PKHD1: variants seen among roughly 807,000 people sequenced by gnomAD.
PKHD1 encodes fibrocystin.
A neutral mutation model predicts 412.0 loss-of-function variants in PKHD1; 291 were observed. The ratio of observed to expected loss-of-function variants is 0.71; its 90% CI spans 0.64 to 0.78. PKHD1 has a LOEUF of 0.78. Ranked by LOEUF, PKHD1 falls within the 30% of genes least tolerant of loss-of-function variation. PKHD1 has a pLI of 0.00. For synonymous variants in PKHD1, 1,777 were observed against 1,821.5 expected, an observed-to-expected ratio of 0.98 and a Z score of 0.62; for missense variants, 4,825 against 4,950.7, an observed-to-expected ratio of 0.97 and a Z score of 0.76.
At chr6:51,844,762 C>T (rs2151607117) in intron 50 of PKHD1, among the ~76,000 whole-genome samples, 1 of 152,266 alleles carries the variant, frequency 6.6e-6, no homozygotes, top group East Asian at 1.9e-4. Flanking sequence ...AATGAAAATT[C>T]AGCCAGTTGT....
At chr6:51,859,147 G>A (rs1398579255) in intron 48 of PKHD1, among the ~76,000 whole-genome samples, 1 of 152,096 alleles carries the variant, frequency 6.6e-6, no homozygotes, top group Non-Finnish European at 1.5e-5. Flanking sequence ...ACCAAAAGAA[G>A]ATCTCTGTTC....
intron 43 of PKHD1, among the ~76,000 whole-genome samples, chr6:51,895,592 A>G (rs1688008198): frequency 6.6e-6 from 1 of 152,002 alleles, no homozygotes; most frequent in South Asian, 2.1e-4. Context: ...AGCAACTACC[A>G]TGTTTTAGAA....
Position 52,054,268 on chromosome 6 carries a change from C to T in PKHD1, c.1837-103G>A, listed in dbSNP as rs1807354199. 14 of 1,092,546 alleles carry T rather than the reference C, an allele frequency of 1.3e-5. No homozygotes were observed. In the Admixed American group the frequency reaches 2.2e-4, roughly 18 times the overall value. 67.7% of individuals were successfully genotyped at this position (1,092,546 alleles called of 1,614,324 possible). A position where few individuals can be genotyped will look rare whatever the true frequency, so the allele number is the denominator to read the frequency against. ...CATCCCTAGAACCCTGCCATAGGCT[C>T]TGAGAGAGTCAGCACAGTTCCTGCC... is the stretch of plus-strand genomic sequence containing the variant. On this transcript the variant is annotated intron_variant, in intron 19 of 66. Coordinates refer to ENST00000371117, the MANE Select transcript of PKHD1 (RefSeq NM_138694.4).
intron 11 of PKHD1, among the ~76,000 whole-genome samples, chr6:52,066,757 G>A (rs527423893): frequency 3.4e-4 from 51 of 152,104 alleles, no homozygotes; most frequent in Admixed American, 1.5e-3. Flanking sequence ...AAAATTAGCC[G>A]GGTTCCGTGG....
At chr6:51,979,715 C>A (rs1794904062) in intron 35 of PKHD1, among the ~76,000 whole-genome samples, 1 of 152,152 alleles carries the variant, frequency 6.6e-6, no homozygotes, top group African/African-American at 2.4e-5. Context: ...TAATCCTCTA[C>A]CCTACAAGTG....
chr6:51,704,328 A>T (rs375295402), intron 60 of PKHD1, among the ~76,000 whole-genome samples: 4 of 152,066 alleles, frequency 2.6e-5, no homozygotes, highest in Admixed American at 2.0e-4. Flanking sequence ...TAGAGGTTAG[A>T]TTACAAAGCA....
intron 14 of PKHD1, 34 bp from the exon 15 acceptor site, chr6:52,060,076 A>C: frequency 8.3e-7 from 1 of 1,200,314 alleles, no homozygotes; most frequent in East Asian, 2.3e-5. Flanking sequence ...AGCAAGAGTA[A>C]CCAAGGCCTG....
At chr6:51,861,207 G>C (rs1774137552) in intron 48 of PKHD1, among the ~76,000 whole-genome samples, 1 of 152,150 alleles carries the variant, frequency 6.6e-6, no homozygotes, top group Admixed American at 6.5e-5. Flanking sequence ...TACCATACTA[G>C]TTACTTAAAG....
chr6:51,816,510 G>A (rs1453682811), intron 52 of PKHD1, among the ~76,000 whole-genome samples: 1 of 152,228 alleles, frequency 6.6e-6, no homozygotes, highest in Non-Finnish European at 1.5e-5. Context: ...GAAGACACCT[G>A]TTAAATGAAG....
At position 51,659,636 on chromosome 6, in the gene PKHD1, G is replaced by T; in HGVS notation, c.10490C>A (p.Ala3497Asp). 3.1e-6 allele frequency: 5 copies of T among 1,613,664 alleles called. No individual in the cohort carries two copies. The highest frequency in any genetic ancestry group is 4.2e-6 in the Non-Finnish European group (5 of 1,179,724). The change falls in exon 61 of 67, where the codon GCT becomes GAT. Residue 3497 changes from alanine (A) to aspartate (D), a missense_variant. By Grantham distance (126) the Ala-to-Asp change is moderately radical (BLOSUM62 -2). Coordinates refer to ENST00000371117, the MANE Select transcript of PKHD1 (RefSeq NM_138694.4). ...GCTCTGGAGCTCATGGTAGAATACA[G>T]CCAAGAGAAGCTTGGAGGTACTTTT... ...GNKSTSKLLLAVFYHELQSPH... is the reference protein window; with the variant it reads ...GNKSTSKLLLDVFYHELQSPH...
intron 35 of PKHD1, among the ~76,000 whole-genome samples, chr6:51,987,732 CT>C (rs529894512): frequency 0.054 from 7,746 of 143,332 alleles, 282 homozygotes; most frequent in Non-Finnish European, 0.081. Flanking sequence ...TTTCTAAGAC[CT>C]TTTTTTTTTT....
Position 52,053,186 on chromosome 6 carries a change from G to A in PKHD1, c.2030C>T (p.Pro677Leu), listed in dbSNP as rs1807148326. The A allele has an allele frequency of 1.2e-6, 2 of 1,614,084 alleles. No homozygotes were observed. The highest frequency in any genetic ancestry group is 1.7e-6 in the Non-Finnish European group (2 of 1,180,024). The change falls in exon 21 of 67, where the codon CCT (proline) becomes CTT (leucine). Residue 677 changes from proline to leucine, a missense_variant. Transcript: ENST00000371117. ...CVRCFGDLQP[P>L]PANSPVLVHQ... ...AACCAGCACTGGGGAGTTTGCCGGA[G>A]GGGGCTGGAGATCCCCGAAGCAACG...
At chr6:51,944,620 C>A (rs1789153741) in intron 36 of PKHD1, among the ~76,000 whole-genome samples, 1 of 152,194 alleles carries the variant, frequency 6.6e-6, no homozygotes, top group Admixed American at 6.5e-5. Context: ...TCCCCATACC[C>A]TAGTTCCCTG....
intron 52 of PKHD1, among the ~76,000 whole-genome samples, chr6:51,822,193 T>C (rs1316693100): frequency 6.6e-6 from 1 of 152,088 alleles, no homozygotes; most frequent in Non-Finnish European, 1.5e-5. Context: ...TGGTTTTTAA[T>C]TTTAACAAAG....
intron 46 of PKHD1, among the ~76,000 whole-genome samples, chr6:51,873,351 G>T (rs977779364): frequency 6.6e-6 from 1 of 152,334 alleles, no homozygotes; most frequent in South Asian, 2.1e-4. Flanking sequence ...GCTGAATAAT[G>T]CTTGCCCTTT....
chr6:51,672,410 A>G (rs1433692273), intron 60 of PKHD1, among the ~76,000 whole-genome samples: 1 of 152,216 alleles, frequency 6.6e-6, no homozygotes, highest in African/African-American at 2.4e-5. Context: ...TGGTTAAAAT[A>G]TCTTAATTTT....
chr6:51,705,874 G>C, intron 60 of PKHD1, among the ~76,000 whole-genome samples: 1 of 152,128 alleles, frequency 6.6e-6, no homozygotes. Context: ...AATCACAGGT[G>C]CTGGCTAGCT....
At chr6:51,738,861 C>T (rs189458833) in intron 60 of PKHD1, among the ~76,000 whole-genome samples, 1 of 152,094 alleles carries the variant, frequency 6.6e-6, no homozygotes, top group African/African-American at 2.4e-5. Context: ...ACTCCTCACT[C>T]CCCATTCAGG....
chr6:51,925,455 ATGTGTGTG>A (rs70977319), intron 37 of PKHD1, among the ~76,000 whole-genome samples: 3 of 144,998 alleles, frequency 2.1e-5, no homozygotes, highest in African/African-American at 7.7e-5. Context: ...GTGTGTGTGT[ATGTGTGTG>A]TGTGTGTGTG....
Sources: allele counts gnomAD v4.1 joint callset (sites outside exome capture counted in the v4.1 genomes callset), GRCh38; gene constraint gnomAD v4.1.1; transcripts MANE v1.5; gene names NCBI Gene and HGNC (gene_info 2026-07-23, HGNC 2026-07-21).